Variants in ANK2 observed in about 807,000 individuals in gnomAD.
ANK2 encodes the protein ankyrin 2.
In ANK2, 83 loss-of-function variants were observed where a neutral mutation model predicts 360.5. The ratio of observed to expected loss-of-function variants is 0.23; its 90% CI spans 0.19 to 0.28. The LOEUF (loss-of-function observed/expected upper bound fraction) is 0.28. Among genes scored for constraint, ANK2 ranks in the 10% least tolerant of loss-of-function variants. The pLI is 1.00. For missense variants in ANK2, 4,201 were observed against 4,795.7 expected (o/e 0.88, Z 3.66); for synonymous variants, 1,740 against 1,759.5 (o/e 0.99, Z 0.28).
intron 45 of ANK2, 82 bp downstream of exon 45, chr4:113,373,531 T>C: frequency 6.9e-7 from 1 of 1,456,814 alleles, no homozygotes; most frequent in Non-Finnish European, 9.6e-7. Context: ...GATTGTTTAT[T>C]CATATTTTCC....
chr4:113,045,906 T>A (rs2064212213), upstream of ANK2, among the ~76,000 whole-genome samples: 1 of 152,218 alleles, frequency 6.6e-6, no homozygotes, highest in Non-Finnish European at 1.5e-5. Context: ...TAGTAAGTAC[T>A]GAAAATGTTT....
intron 1 of ANK2, among the ~76,000 whole-genome samples, chr4:113,116,038 C>T (rs973380144): frequency 6.6e-6 from 1 of 152,066 alleles, no homozygotes; most frequent in African/African-American, 2.4e-5. Flanking sequence ...TATTAGACCT[C>T]GATAAAACTA....
At chr4:113,097,840 A>G (rs73841212) in intron 1 of ANK2, among the ~76,000 whole-genome samples, 3,889 of 16,276 alleles carry the variant, frequency 0.24, 118 homozygotes, top group African/African-American at 0.4. Context: ...TTGTATATAT[A>G]TGTGTGTGTG....
At position 113,305,414 on chromosome 4, in the gene ANK2, C is replaced by T. The variant is rs562200311; in HGVS notation, c.2548+2575C>T. On this transcript the variant is annotated intron_variant, in intron 23 of 45. Coordinates refer to ENST00000357077, the MANE Select transcript of ANK2 (RefSeq NM_001148.6). ...ATGAGATAAGTTATAACATTCTGTA[C>T]TTTCATTATTAAAAATGTTATATAT... is the stretch of plus-strand genomic sequence containing the variant. Among the ~76,000 whole-genome samples, 34 of 150,140 alleles carry T rather than the reference C, an allele frequency of 2.3e-4. No individual in the cohort carries two copies. In the East Asian group the frequency reaches 6.6e-3, roughly 29 times the overall value.
chr4:113,299,745 G>A (rs1025504565), intron 22 of ANK2, among the ~76,000 whole-genome samples: 2 of 151,290 alleles, frequency 1.3e-5, no homozygotes, highest in African/African-American at 2.4e-5. Flanking sequence ...TTTCATAGTA[G>A]GGTAGTCTCT....
chr4:112,998,027 A>G (rs12507075), intron 2 of ANK2, among the ~76,000 whole-genome samples: 51,336 of 151,416 alleles, frequency 0.34, 9,209 homozygotes, highest in East Asian at 0.54. Flanking sequence ...TCTTTTGAGC[A>G]TGTGGTCCTA....
At chr4:113,285,609 TG>T (rs2064160565) in intron 18 of ANK2, among the ~76,000 whole-genome samples, 1 of 152,080 alleles carries the variant, frequency 6.6e-6, no homozygotes, top group Admixed American at 6.5e-5. Context: ...ATGCCCTTCC[TG>T]GGTGCACCAC....
the ANK2 span, among the ~76,000 whole-genome samples, chr4:112,721,734 G>A: frequency 6.6e-6 from 1 of 152,070 alleles, no homozygotes; most frequent in Non-Finnish European, 1.5e-5. Context: ...TGAAATGAAA[G>A]TGCCAGGATT....
At chr4:113,191,698 T>C (rs1414657068) in intron 2 of ANK2, among the ~76,000 whole-genome samples, 1 of 152,116 alleles carries the variant, frequency 6.6e-6, no homozygotes, top group East Asian at 2.0e-4. Flanking sequence ...ACCTTACATT[T>C]GTTTTTTACT....
At chr4:112,914,654 T>C (rs1432662316) in intron 2 of ANK2, among the ~76,000 whole-genome samples, 1 of 152,102 alleles carries the variant, frequency 6.6e-6, no homozygotes, top group East Asian at 1.9e-4. Flanking sequence ...ATCTGATTTT[T>C]CCCTTATTTG....
chr4:112,878,431 A>C (rs1402705533), intron 1 of ANK2, among the ~76,000 whole-genome samples: 1 of 152,204 alleles, frequency 6.6e-6, no homozygotes, highest in Admixed American at 6.5e-5. Flanking sequence ...GGTTCAAGCG[A>C]TTCTCCTGCC....
chr4:112,940,195 C>T (rs2094103517), intron 2 of ANK2, among the ~76,000 whole-genome samples: 1 of 152,194 alleles, frequency 6.6e-6, no homozygotes, highest in Non-Finnish European at 1.5e-5. Flanking sequence ...AACACAATTA[C>T]AGGCATTTTA....
chr4:112,821,166 C>T lies in ANK2; in HGVS notation c.-40+2902C>T, dbSNP rs373982205. Among the ~76,000 whole-genome samples the T allele has an allele frequency of 3.9e-5, 6 of 152,130 alleles. No homozygotes were observed. The East Asian group carries it at 9.8e-4, about 25-fold the overall frequency. On this transcript the variant is annotated intron_variant, in intron 1 of 30. Coordinates refer to the ANK2 transcript ENST00000503271. Reference sequence around the variant, plus strand: ...CTGACCTCAGGTGATCCGCCCGCCTCGGTCTCCCAAAGTGCTGGGATTACA... The same window carrying T: ...CTGACCTCAGGTGATCCGCCCGCCTTGGTCTCCCAAAGTGCTGGGATTACA...
intron 1 of ANK2, among the ~76,000 whole-genome samples, chr4:113,051,082 T>C (rs1323878019): frequency 6.6e-6 from 1 of 152,182 alleles, no homozygotes; most frequent in Admixed American, 6.5e-5. Context: ...TGGTAGAATG[T>C]CCTTTTCCTT....
At chr4:112,790,766 C>T in the ANK2 span, among the ~76,000 whole-genome samples, 4 of 152,120 alleles carry the variant, frequency 2.6e-5, no homozygotes, top group Non-Finnish European at 5.9e-5. Context: ...GGATTACAGG[C>T]GTGAGCCATC....
chr4:113,034,006 T>G (rs1487605783), intron 2 of ANK2: 1 of 151,990 alleles, frequency 6.6e-6, no homozygotes, highest in Non-Finnish European at 1.5e-5. Context: ...TTCATTTTTC[T>G]GTATGTTGCC....
chr4:113,088,899 T>C (rs1156718101), intron 1 of ANK2, among the ~76,000 whole-genome samples: 1 of 152,180 alleles, frequency 6.6e-6, no homozygotes, highest in Non-Finnish European at 1.5e-5. Context: ...CCCAGCTCTA[T>C]TTAAACATGT....
chr4:112,799,532 T>C, the ANK2 span, among the ~76,000 whole-genome samples: 1 of 151,946 alleles, frequency 6.6e-6, no homozygotes, highest in Non-Finnish European at 1.5e-5. Context: ...TTTTTATTTT[T>C]TTGAGATGAA....
chr4:112,745,120 C>A, the ANK2 span, among the ~76,000 whole-genome samples: 5 of 152,174 alleles, frequency 3.3e-5, no homozygotes, highest in Non-Finnish European at 7.4e-5. Context: ...GTCAATTTAT[C>A]AGCCTTTTTC....
Sources: allele counts gnomAD v4.1 joint callset (sites outside exome capture counted in the v4.1 genomes callset), GRCh38; gene constraint gnomAD v4.1.1; transcripts MANE v1.5; gene names NCBI Gene and HGNC (gene_info 2026-07-23, HGNC 2026-07-21).